GAB2: variants seen among roughly 807,000 people sequenced by gnomAD.
The protein encoded by GAB2 is GRB2 associated binding protein 2.
A neutral mutation model predicts 65.5 loss-of-function variants in GAB2; 26 were observed. The observed-to-expected ratio is 0.40, with a 90% CI of 0.29 to 0.55. GAB2 has a LOEUF of 0.55. GAB2 is among the 20% of genes least tolerant of loss of function. The pLI is 0.53. For missense variants in GAB2, 884 were observed against 875.8 expected (o/e 1.01, Z -0.12); for synonymous variants, 321 against 329.6 (o/e 0.97, Z 0.28).
At chr11:78,368,222 A>G (rs769666618) in intron 1 of GAB2, among the ~76,000 whole-genome samples, 6 of 152,166 alleles carry the variant, frequency 3.9e-5, no homozygotes, top group African/African-American at 7.2e-5. Flanking sequence ...TGGCAAGACC[A>G]TTTTGTTCAA....
chr11:78,241,418 A>G lies in GAB2; in HGVS notation c.620+8739T>C, dbSNP rs536063133. On this transcript the variant is annotated intron_variant, in intron 3 of 9. Transcript: ENST00000361507. ...GAAACACAAAAAAGGAAGGAAATAT[A>G]ACACCAAAAAAGCACCAAAGGAACT... 3.5e-4 allele frequency among the ~76,000 whole-genome samples: 53 copies of G among 152,334 alleles called. 1 individual carries two copies. Among genetic ancestry groups the G allele is most frequent in the African/African-American group, 1.2e-3 (50 of 41,580 alleles).
intron 3 of GAB2, among the ~76,000 whole-genome samples, chr11:78,242,298 C>T (rs1046770987): frequency 2.6e-5 from 4 of 151,878 alleles, no homozygotes; most frequent in Non-Finnish European, 4.4e-5. Flanking sequence ...GTCAGGAGAT[C>T]GAGACCAACC....
At chr11:78,380,404 C>T (rs1037736839) in intron 1 of GAB2, among the ~76,000 whole-genome samples, 25 of 152,100 alleles carry the variant, frequency 1.6e-4, no homozygotes, top group Admixed American at 1.6e-3. Context: ...AGGGGTTTCA[C>T]CACGTTGGCC....
intron 9 of GAB2, among the ~76,000 whole-genome samples, chr11:78,219,857 C>T (rs1292636664): frequency 6.6e-6 from 1 of 152,184 alleles, no homozygotes; most frequent in African/African-American, 2.4e-5. Flanking sequence ...CAGCTCTGCA[C>T]CCTTCTGTCT....
intron 1 of GAB2, among the ~76,000 whole-genome samples, chr11:78,382,948 C>T (rs1342770950): frequency 6.6e-6 from 1 of 152,198 alleles, no homozygotes; most frequent in Non-Finnish European, 1.5e-5. Context: ...TCTCAGAAAA[C>T]ACATTTAGTC....
rs1283251266 is a variant in GAB2, at chr11:78,324,994, TCATGGTGTGAA to T, written c.76-44104_76-44094del. 3.9e-5 allele frequency among the ~76,000 whole-genome samples: 6 copies of T among 152,342 alleles called. No homozygotes were observed. The East Asian group carries it at 1.2e-3, about 29-fold the overall frequency. ...CTTCGCAATGGTAGTCTGAAATCAG[TCATGGTGTGAA>T]TATTTACACCATGGGAATTGGCAAA... On this transcript the variant is annotated intron_variant, in intron 1 of 9. Coordinates refer to ENST00000361507, the MANE Select transcript of GAB2 (RefSeq NM_080491.3).
At chr11:78,270,328 C>T (rs1050181468) in intron 2 of GAB2, among the ~76,000 whole-genome samples, 6 of 138,540 alleles carry the variant, frequency 4.3e-5, no homozygotes, top group East Asian at 2.3e-4. Flanking sequence ...AGCGAGACTC[C>T]GTCTTAAAAA....
At chr11:78,268,731 T>G (rs1590983191) in intron 2 of GAB2, among the ~76,000 whole-genome samples, 2 of 141,832 alleles carry the variant, frequency 1.4e-5, no homozygotes, top group African/African-American at 2.8e-5. Flanking sequence ...GAGTGTCTGG[T>G]ATTTAAAAAA....
intron 1 of GAB2, among the ~76,000 whole-genome samples, chr11:78,350,902 T>C (rs555832518): frequency 6.6e-6 from 1 of 152,330 alleles, no homozygotes; most frequent in South Asian, 2.1e-4. Flanking sequence ...CCTAGACATT[T>C]TGAACAGTGG....
chr11:78,219,232 C>A lies in GAB2; in HGVS notation c.*40G>T, dbSNP rs199861462. ...AGAGGGGAGATGGGAAGGGCCAGCT[C>A]TGGAGATGCTGCCTCCTGGGCTCTG... On this transcript the variant is annotated 3_prime_UTR_variant, in exon 10 of 10. Coordinates refer to ENST00000361507, the MANE Select transcript of GAB2 (RefSeq NM_080491.3). 9.4e-6 allele frequency: 15 copies of A among 1,600,596 alleles called. No individual in the cohort carries two copies. In the East Asian group the frequency reaches 3.1e-4, roughly 33 times the overall value.
intron 1 of GAB2, among the ~76,000 whole-genome samples, chr11:78,288,835 T>C (rs1209051349): frequency 2.6e-5 from 4 of 152,202 alleles, no homozygotes; most frequent in African/African-American, 9.6e-5. Flanking sequence ...CTAAAATGTA[T>C]ATGAAAAGGC....
chr11:78,399,381 T>G (rs929363172), intron 1 of GAB2, among the ~76,000 whole-genome samples: 1 of 152,210 alleles, frequency 6.6e-6, no homozygotes, highest in Non-Finnish European at 1.5e-5. Flanking sequence ...AGCTAACCTT[T>G]GAAGGGTTAC....
intron 1 of GAB2, among the ~76,000 whole-genome samples, chr11:78,360,542 T>C (rs1383374067): frequency 6.6e-6 from 1 of 152,186 alleles, no homozygotes; most frequent in Non-Finnish European, 1.5e-5. Flanking sequence ...AATTTATTAA[T>C]TTAACATAAA....
chr11:78,233,247 C>T (rs1444180416), intron 3 of GAB2, among the ~76,000 whole-genome samples: 1 of 152,092 alleles, frequency 6.6e-6, no homozygotes, highest in Non-Finnish European at 1.5e-5. Context: ...GTTGCCCGGG[C>T]TGGTCTCAAA....
At chr11:78,316,562 T>C (rs549867756) in intron 1 of GAB2, among the ~76,000 whole-genome samples, 127 of 152,276 alleles carry the variant, frequency 8.3e-4, no homozygotes, top group African/African-American at 2.8e-3. Flanking sequence ...TCACTAATCA[T>C]TGGGGAAATG....
intron 3 of GAB2, among the ~76,000 whole-genome samples, chr11:78,229,084 C>T (rs570342122): frequency 3.4e-4 from 51 of 152,134 alleles, no homozygotes; most frequent in Non-Finnish European, 5.3e-4. Flanking sequence ...GGATGCAAAT[C>T]ATTACAGTCA....
chr11:78,346,554 C>T (rs2134697761), intron 1 of GAB2, among the ~76,000 whole-genome samples: 1 of 136,410 alleles, frequency 7.3e-6, no homozygotes, highest in Non-Finnish European at 1.5e-5. Flanking sequence ...CCATATTCTT[C>T]CCACCTACAT....
chr11:78,380,591 T>C (rs375235792), intron 1 of GAB2, among the ~76,000 whole-genome samples: 1 of 152,192 alleles, frequency 6.6e-6, no homozygotes, highest in East Asian at 1.9e-4. Context: ...CTCTATAACA[T>C]TGCCTAAATC....
At position 78,215,348 on chromosome 11, in the gene GAB2, A is replaced by G. The variant is rs1449682439; in HGVS notation, c.*3924T>C. ...GTCCTGCTCCAACACCACAGTAGAA[A>G]GGGACCTGCAAGCTCCAAGCCTGTA... On this transcript the variant is annotated 3_prime_UTR_variant, in exon 10 of 10. Transcript: ENST00000361507. The G allele has an allele frequency of 6.6e-6, 1 of 152,660 alleles. No individual in the cohort carries two copies. Among genetic ancestry groups the G allele is most frequent in the African/African-American group, 2.4e-5 (1 of 41,456 alleles). The allele number at this position is 152,660 out of a possible 1,614,324, so 9.5% of individuals were successfully genotyped here.
Sources: gnomAD v4.1 joint callset for allele counts (sites outside exome capture counted in the v4.1 genomes callset) on GRCh38, gnomAD v4.1.1 for gene constraint, MANE v1.5 for transcripts, NCBI Gene and HGNC (gene_info 2026-07-23, HGNC 2026-07-21) for gene names.